Variants in RIMBP2 observed in about 807,000 individuals in gnomAD.
The protein encoded by RIMBP2 is RIMS-binding protein 2.
Under a neutral mutation model 118.6 loss-of-function variants are expected in RIMBP2, and 48 were observed. The observed-to-expected ratio is 0.40, with a 90% CI of 0.32 to 0.51. The LOEUF (loss-of-function observed/expected upper bound fraction) is 0.51, where lower values mean the gene tolerates loss of function less well. Among genes scored for constraint, RIMBP2 ranks in the 20% least tolerant of loss-of-function variants. RIMBP2 has a pLI of 0.41. For missense variants in RIMBP2, 1,551 were observed against 1,768.3 expected (o/e 0.88, Z 2.20); for synonymous variants, 762 against 742.9 (o/e 1.03, Z -0.42).
At chr12:130,583,467 ACATCAC>A (rs747024910) in intron 2 of RIMBP2, among the ~76,000 whole-genome samples, 60 of 125,862 alleles carry the variant, frequency 4.8e-4, no homozygotes, top group East Asian at 3.2e-3. Context: ...CATGACCATT[ACATCAC>A]CATCACCATC....
At chr12:130,463,632 C>G (rs1257565438) in intron 6 of RIMBP2, among the ~76,000 whole-genome samples, 2 of 152,106 alleles carry the variant, frequency 1.3e-5, no homozygotes, top group African/African-American at 4.8e-5. Flanking sequence ...TGCATAATCA[C>G]TCCAGAATCA....
chr12:130,589,808 C>T (rs542740509), intron 2 of RIMBP2, among the ~76,000 whole-genome samples: 3 of 152,260 alleles, frequency 2.0e-5, no homozygotes, highest in African/African-American at 7.2e-5. Context: ...CCCTGATTCC[C>T]AGTGAAAATT....
In RIMBP2 at chr12:130,399,804, T is replaced by A; in HGVS notation, c.3775A>T (p.Asn1259Tyr). 1 of 1,614,156 alleles carries A rather than the reference T, an allele frequency of 6.2e-7. No homozygotes were observed. Among genetic ancestry groups the A allele is most frequent in the Non-Finnish European group, 8.5e-7 (1 of 1,180,002 alleles). The stretch of plus-strand genomic sequence containing the variant: ...GAGGGCACAAGGCCTTTCTGCCCAT[T>A]CAGCTCCCCCTAAAACACCAGGGGT... Reference protein sequence around the residue: ...DEDGFYYGELNGQKGLVPSNF... With the variant: ...DEDGFYYGELYGQKGLVPSNF... Residue 1259 changes from asparagine to tyrosine, a missense_variant, in exon 22 of 23, where the codon AAT becomes TAT. Physicochemically the swap from Asn to Tyr is moderately radical, Grantham distance 143 (BLOSUM62 -2). Coordinates refer to ENST00000690449, the MANE Select transcript of RIMBP2 (RefSeq NM_001393629.1).
chr12:130,555,040 CT>C (rs1295042256), intron 2 of RIMBP2, among the ~76,000 whole-genome samples: 2 of 152,296 alleles, frequency 1.3e-5, no homozygotes, highest in Admixed American at 1.3e-4. Flanking sequence ...CAGAATAACT[CT>C]GTGAAGTAGG....
intron 2 of RIMBP2, among the ~76,000 whole-genome samples, chr12:130,580,694 CTT>C (rs987829872): frequency 9.2e-5 from 14 of 152,234 alleles, no homozygotes; most frequent in Admixed American, 8.5e-4. Flanking sequence ...AATCTCAACA[CTT>C]TGAGAGGCTG....
intron 2 of RIMBP2, among the ~76,000 whole-genome samples, chr12:130,553,069 C>T (rs1227934687): frequency 5.9e-5 from 9 of 151,640 alleles, no homozygotes; most frequent in African/African-American, 1.7e-4. Flanking sequence ...AGGAGAATGG[C>T]GTGAACCTGG....
At chr12:130,459,535 A>C (rs1283083986) in intron 6 of RIMBP2, among the ~76,000 whole-genome samples, 1 of 152,182 alleles carries the variant, frequency 6.6e-6, no homozygotes, top group Non-Finnish European at 1.5e-5. Context: ...ATAGGAACTA[A>C]GAATACAGGT....
At position 130,583,696 on chromosome 12, in the gene RIMBP2, C is replaced by T. The variant is rs1051443127; in HGVS notation, c.-217+44626G>A. ...ATCACGACTATTACATCACCATCAC[C>T]TCATCACCACCACCGCCATCACCTC... is the stretch of plus-strand genomic sequence containing the variant. On this transcript the variant is annotated intron_variant, in intron 2 of 22. Transcript: ENST00000690449. Among the ~76,000 whole-genome samples, 15 of 151,358 alleles carry T rather than the reference C, an allele frequency of 9.9e-5. 1 individual carries two copies. Among genetic ancestry groups the T allele is most frequent in the Admixed American group, 9.9e-4 (15 of 15,192 alleles).
At position 130,433,366 on chromosome 12, in the gene RIMBP2, T is replaced by G. The variant is rs1258725486; in HGVS notation, c.2253+1368A>C. Among the ~76,000 whole-genome samples, 3 of 152,288 alleles carry G rather than the reference T, an allele frequency of 2.0e-5. 1 individual carries two copies. Among genetic ancestry groups the G allele is most frequent in the South Asian group, 4.1e-4 (2 of 4,824 alleles). On this transcript the variant is annotated intron_variant, in intron 14 of 22. Transcript: ENST00000690449. ...TCACTGCATGTGCGTGTGACTCCTC[T>G]CGGATGGATGCACAGCCTTTCCCCA...
intron 2 of RIMBP2, among the ~76,000 whole-genome samples, chr12:130,521,348 C>T (rs1259808524): frequency 6.6e-6 from 1 of 152,194 alleles, no homozygotes; most frequent in African/African-American, 2.4e-5. Flanking sequence ...GGAATCGCAA[C>T]ACAACAAAAC....
chr12:130,526,541 C>T (rs2052805135), intron 2 of RIMBP2, among the ~76,000 whole-genome samples: 1 of 152,188 alleles, frequency 6.6e-6, no homozygotes, highest in Non-Finnish European at 1.5e-5. Flanking sequence ...CATTAAGTCA[C>T]AGCGAGTTTG....
At chr12:130,484,388 A>G (rs2082307256) in intron 4 of RIMBP2, among the ~76,000 whole-genome samples, 2 of 152,148 alleles carry the variant, frequency 1.3e-5, no homozygotes, top group Non-Finnish European at 2.9e-5. Flanking sequence ...CTCACGTTCC[A>G]GCCTTTGCCC....
intron 2 of RIMBP2, among the ~76,000 whole-genome samples, chr12:130,524,313 T>C (rs1230421423): frequency 6.6e-6 from 1 of 152,110 alleles, no homozygotes; most frequent in Non-Finnish European, 1.5e-5. Context: ...TCCAGAGGCA[T>C]GAGCCAGGCC....
At chr12:130,555,938 C>T (rs1008166483) in intron 2 of RIMBP2, among the ~76,000 whole-genome samples, 1 of 152,180 alleles carries the variant, frequency 6.6e-6, no homozygotes, top group Non-Finnish European at 1.5e-5. Flanking sequence ...CCAGGCCCAT[C>T]GCCAGGCACG....
chr12:130,547,678 T>G (rs757636717), intron 2 of RIMBP2, among the ~76,000 whole-genome samples: 43 of 152,182 alleles, frequency 2.8e-4, no homozygotes, highest in Admixed American at 1.5e-3. Context: ...ATGGGGAAGA[T>G]CAGGACACGG....
At chr12:130,665,518 C>G (rs1315246080) in intron 1 of RIMBP2, among the ~76,000 whole-genome samples, 1 of 151,494 alleles carries the variant, frequency 6.6e-6, no homozygotes, top group Non-Finnish European at 1.5e-5. Flanking sequence ...TGCACTCCAG[C>G]CTGGGTGACA....
chr12:130,590,155 G>A (rs1464497916), intron 2 of RIMBP2, among the ~76,000 whole-genome samples: 1 of 152,188 alleles, frequency 6.6e-6, no homozygotes, highest in African/African-American at 2.4e-5. Context: ...GGAAAGGCAA[G>A]TTTAGAGTCA....
intron 5 of RIMBP2, among the ~76,000 whole-genome samples, chr12:130,474,288 G>A (rs1474088655): frequency 2.6e-5 from 4 of 152,120 alleles, no homozygotes; most frequent in African/African-American, 4.8e-5. Context: ...TCCCTCCACA[G>A]GCATTTACTG....
chr12:130,502,067 T>C (rs1026539597), intron 4 of RIMBP2, among the ~76,000 whole-genome samples: 3 of 152,204 alleles, frequency 2.0e-5, no homozygotes, highest in Admixed American at 6.5e-5. Flanking sequence ...ACGGCCCAAC[T>C]GTACCCTGGC....
Sources: gnomAD v4.1 joint callset for allele counts (sites outside exome capture counted in the v4.1 genomes callset) on GRCh38, gnomAD v4.1.1 for gene constraint, MANE v1.5 for transcripts, NCBI Gene and HGNC (gene_info 2026-07-23, HGNC 2026-07-21) for gene names.